The following C4orf50 variants were observed in gnomAD, a reference collection of about 807,000 sequenced individuals.
C4orf50 encodes the protein chromosome 4 open reading frame 50.
Under a neutral mutation model 77.2 loss-of-function variants are expected in C4orf50, and 80 were observed. That is an observed-to-expected ratio of 1.04 (90% CI 0.87 to 1.25). C4orf50 has a LOEUF of 1.25. Ranked by LOEUF, C4orf50 falls within the 50% of genes most tolerant of loss-of-function variation. The pLI is 0.00. For synonymous variants in C4orf50, 532 were observed against 465.3 expected (o/e 1.14, Z -1.84); for missense variants, 1,257 against 1,152.9 (o/e 1.09, Z -1.31).
In C4orf50 at chr4:5,965,158, A is replaced by T; in HGVS notation, c.4154-13T>A. The T allele has an allele frequency of 1.9e-6, 3 of 1,610,706 alleles. No individual in the cohort carries two copies. The highest frequency in any genetic ancestry group is 2.5e-6 in the Non-Finnish European group (3 of 1,178,536). On this transcript the variant is annotated splice_polypyrimidine_tract_variant and intron_variant, in intron 32 of 33. Coordinates refer to ENST00000531445, the Ensembl canonical transcript of C4orf50. ...AGGTATGTCTGAGCTGGAAGGGAAA[A>T]TTCTCAGTCAAGCCTCCACCCAGGA...
chr4:5,964,125 A>G lies in C4orf50; in HGVS notation c.4275+899T>C, dbSNP rs76327859. The stretch of plus-strand genomic sequence containing the variant: ...CTGAATACAGAAGAGAAGCCAAGAA[A>G]AGCGAGCAGGGCAATTGAGGACCTA... On this transcript the variant is annotated intron_variant, in intron 33 of 33. Coordinates refer to ENST00000531445, the Ensembl canonical transcript of C4orf50. Among the ~76,000 whole-genome samples the G allele has an allele frequency of 4.2e-3, 634 of 152,332 alleles. 5 individuals carry two copies. The highest frequency in any genetic ancestry group is 0.015 in the African/African-American group (610 of 41,568).
chr4:5,984,263 A>G (rs980614678), intron 28 of C4orf50, among the ~76,000 whole-genome samples: 1 of 152,256 alleles, frequency 6.6e-6, no homozygotes, highest in African/African-American at 2.4e-5. Flanking sequence ...ATAAAATATT[A>G]TACACAATGT....
At chr4:5,977,526 C>G (rs17696525) in intron 29 of C4orf50, among the ~76,000 whole-genome samples, 28,842 of 152,092 alleles carry the variant, frequency 0.19, 2,847 homozygotes, top group African/African-American at 0.23. Context: ...CACATAGAAA[C>G]TGACCTCATT....
chr4:5,923,834 C>T (rs920636040), intron 7 of C4orf50, among the ~76,000 whole-genome samples: 7 of 152,146 alleles, frequency 4.6e-5, no homozygotes, highest in Admixed American at 1.3e-4. Flanking sequence ...AGGAGATTAA[C>T]ATTTGAGTCA....
exon 28 of C4orf50, chr4:5,990,406 G>A (rs996336135): frequency 2.4e-6 from 1 of 414,484 alleles, no homozygotes; most frequent in Non-Finnish European, 4.2e-6. Context: ...ATTGTTCCAA[G>A]TGTCTTTCAG....
Position 6,018,333 on chromosome 4 carries a change from C to T in C4orf50, c.99G>A (p.Lys33=), listed in dbSNP as rs527379462. 5.0e-6 allele frequency: 2 copies of T among 398,882 alleles called. No homozygotes were observed. Among genetic ancestry groups the T allele is most frequent in the Non-Finnish European group, 8.8e-6 (2 of 226,082 alleles). 24.7% of individuals were successfully genotyped at this position (398,882 alleles called of 1,614,324 possible). Reference sequence around the variant, plus strand: ...CCTGGAATATCCAGGATGTGTCAATCTTCACATCAACGTTCATTATGTCGA... The same window carrying T: ...CCTGGAATATCCAGGATGTGTCAATTTTCACATCAACGTTCATTATGTCGA... Residue 33 remains lysine, a synonymous_variant, in exon 23 of 34, where the codon AAG becomes AAA. Coordinates refer to ENST00000531445, the Ensembl canonical transcript of C4orf50. This position sits in a 1 kb window ranked among gnomAD's most constrained non-coding sequence, Gnocchi z 5.1.
At chr4:5,955,842 G>A (rs1484892504), downstream of C4orf50, among the ~76,000 whole-genome samples, 1 of 152,206 alleles carries the variant, frequency 6.6e-6, no homozygotes, top group African/African-American at 2.4e-5. The surrounding 1 kb of genome is among the most constrained non-coding windows in gnomAD (Gnocchi z 5.1). Context: ...GCAGGGCCCT[G>A]TCTGTGATGC....
At chr4:5,981,977 G>C (rs1314561814) in intron 28 of C4orf50, among the ~76,000 whole-genome samples, 1 of 152,108 alleles carries the variant, frequency 6.6e-6, no homozygotes, top group Non-Finnish European at 1.5e-5. Context: ...GAGAAGAGGA[G>C]GAGAAGGAAG....
At chr4:5,974,656 A>G (rs751665517) in intron 30 of C4orf50, among the ~76,000 whole-genome samples, 9 of 152,142 alleles carry the variant, frequency 5.9e-5, no homozygotes, top group Non-Finnish European at 1.2e-4. Flanking sequence ...CTGAGGCCAG[A>G]GAGAAAGAGC....
At chr4:5,963,768 G>A (rs1719397814) in intron 33 of C4orf50, among the ~76,000 whole-genome samples, 1 of 152,180 alleles carries the variant, frequency 6.6e-6, no homozygotes, top group African/African-American at 2.4e-5. Context: ...AGCTCTGCCT[G>A]CCTGATTTCT....
intron 25 of C4orf50, among the ~76,000 whole-genome samples, chr4:6,005,596 C>G (rs1198303919): frequency 1.3e-5 from 2 of 152,206 alleles, no homozygotes; most frequent in Non-Finnish European, 2.9e-5. Flanking sequence ...TGATACTTAA[C>G]AGCTGGTGCC....
At chr4:6,006,429 T>C (rs902260805) in intron 25 of C4orf50, among the ~76,000 whole-genome samples, 2 of 152,200 alleles carry the variant, frequency 1.3e-5, no homozygotes, top group Non-Finnish European at 2.9e-5. Context: ...ACAATAAACT[T>C]TGGACTCTCA....
chr4:5,940,327 A>C (rs1718206746), intron 7 of C4orf50, among the ~76,000 whole-genome samples: 1 of 152,204 alleles, frequency 6.6e-6, no homozygotes, highest in African/African-American at 2.4e-5. Flanking sequence ...TTTGTAATTC[A>C]TTATACTATT....
Position 5,917,998 on chromosome 4 carries a change from A to G in C4orf50, c.*2475-19810T>C, listed in dbSNP as rs183875688. Among the ~76,000 whole-genome samples, 31 of 152,312 alleles carry G rather than the reference A, an allele frequency of 2.0e-4. No homozygotes were observed. The East Asian group carries it at 4.8e-3, about 24-fold the overall frequency. ...TGGCCCGACGCAAATGACGACTAAG[A>G]AAAATGATTCTAGGGCCCCGAGGGT... On this transcript the variant is annotated intron_variant, in intron 7 of 7. Transcript: ENST00000324058.
chr4:5,997,484 A>G (rs560373622), intron 25 of C4orf50, among the ~76,000 whole-genome samples: 6 of 152,336 alleles, frequency 3.9e-5, no homozygotes, highest in African/African-American at 7.2e-5. Context: ...CACTTGTCCA[A>G]GGTCACACAG....
intron 7 of C4orf50, among the ~76,000 whole-genome samples, chr4:5,948,984 G>C (rs60302950): frequency 2.2e-5 from 3 of 138,434 alleles, no homozygotes; most frequent in Non-Finnish European, 3.2e-5. Context: ...AAAAAATAGA[G>C]AAAGAGAGGC....
downstream of C4orf50, among the ~76,000 whole-genome samples, chr4:5,955,450 G>T (rs567524972): frequency 5.9e-5 from 9 of 152,264 alleles, no homozygotes; most frequent in Non-Finnish European, 8.8e-5. This position sits in a 1 kb window ranked among gnomAD's most constrained non-coding sequence, Gnocchi z 5.1. Flanking sequence ...CCGGGCACTG[G>T]CCACGTGATA....
exon 28 of C4orf50, chr4:5,988,403 G>A (rs571773387): frequency 1.2e-6 from 2 of 1,613,310 alleles, no homozygotes; most frequent in African/African-American, 2.7e-5. Flanking sequence ...GAACACCTGG[G>A]CCTCTTCTCC....
intron 25 of C4orf50, among the ~76,000 whole-genome samples, chr4:5,999,087 T>C (rs543573821): frequency 1.8e-4 from 27 of 152,332 alleles, no homozygotes; most frequent in African/African-American, 6.3e-4. Flanking sequence ...GATAGGGCAC[T>C]GCCCCGGCTA....
Sources: allele counts gnomAD v4.1 joint callset (sites outside exome capture counted in the v4.1 genomes callset), GRCh38; gene constraint gnomAD v4.1.1; non-coding constraint Gnocchi (gnomAD v3.1); transcripts MANE v1.5; gene names NCBI Gene and HGNC (gene_info 2026-07-23, HGNC 2026-07-21).